Variants in PCDHA6 observed in about 807,000 individuals in gnomAD.
PCDHA6 encodes protocadherin alpha-6.
In PCDHA6, 55 loss-of-function variants were observed where a neutral mutation model predicts 60.3. The observed-to-expected ratio is 0.91, with a 90% CI of 0.73 to 1.14. The LOEUF (loss-of-function observed/expected upper bound fraction) is 1.14, where lower values mean the gene tolerates loss of function less well. Among genes scored for constraint, PCDHA6 ranks in the 50% most tolerant of loss-of-function variants. The pLI, the probability that PCDHA6 is intolerant of heterozygous loss-of-function variation, is 0.00. For synonymous variants in PCDHA6, 652 were observed against 557.9 expected, an observed-to-expected ratio of 1.17 and a Z score of -2.38; for missense variants, 1,327 against 1,256.5, an observed-to-expected ratio of 1.06 and a Z score of -0.85.
Position 140,927,865 on chromosome 5 carries a change from A to G in PCDHA6, c.2395-51084A>G, listed in dbSNP as rs576160357. 6.8e-6 allele frequency: 11 copies of G among 1,614,110 alleles called. No homozygotes were observed. In the Admixed American group the frequency reaches 1.3e-4, roughly 20 times the overall value. On this transcript the variant is annotated intron_variant, in intron 1 of 3. Transcript: ENST00000529310. Reference sequence around the variant, plus strand: ...TGTCTTTGGTTTAGCTAGCACCGCTAAACTGCTGGTGGAGGTGACTGACGT... The same window carrying G: ...TGTCTTTGGTTTAGCTAGCACCGCTGAACTGCTGGTGGAGGTGACTGACGT...
intron 1 of PCDHA6, among the ~76,000 whole-genome samples, chr5:140,926,138 T>C (rs2082936633): frequency 6.6e-6 from 1 of 152,004 alleles, no homozygotes; most frequent in African/African-American, 2.4e-5. Flanking sequence ...CGCAGCAGGA[T>C]CCAGCGCGGA....
chr5:140,889,028 C>G (rs1015343865), intron 1 of PCDHA6, among the ~76,000 whole-genome samples: 1 of 151,754 alleles, frequency 6.6e-6, no homozygotes. Flanking sequence ...CTTGGATAAC[C>G]GTAATTTGAT....
chr5:140,985,801 A>G (rs2097171670), intron 3 of PCDHA6, among the ~76,000 whole-genome samples: 1 of 135,588 alleles, frequency 7.4e-6, no homozygotes, highest in Admixed American at 8.6e-5. Flanking sequence ...GTGCAGTGGC[A>G]CGATCTCAGC....
chr5:140,849,329 T>A (rs1581180148), intron 1 of PCDHA6: 2 of 1,371,780 alleles, frequency 1.5e-6, no homozygotes, highest in East Asian at 4.8e-5. Flanking sequence ...GGGATATTAT[T>A]TACTCCTTCT....
chr5:140,940,361 A>T (rs1396183629), intron 1 of PCDHA6, among the ~76,000 whole-genome samples: 1 of 152,210 alleles, frequency 6.6e-6, no homozygotes, highest in Non-Finnish European at 1.5e-5. Flanking sequence ...TGCTATTAAA[A>T]GTATTCCTTG....
rs141467715 is a variant in PCDHA6 at position 140,882,439 on chromosome 5, G to A, written c.2394+51954G>A. 19 of 1,613,928 alleles carry A rather than the reference G, an allele frequency of 1.2e-5. No individual in the cohort carries two copies. The African/African-American group carries it at 1.5e-4, about 12-fold the overall frequency. ...CTCAGGACCTGGGGCTGGAGCTGGC[G>A]GAGCTGGTGCCGCGCCTGTTCCGGG... is the stretch of plus-strand genomic sequence containing the variant. On this transcript the variant is annotated intron_variant, in intron 1 of 3. Transcript: ENST00000529310.
chr5:140,849,902 G>T, intron 1 of PCDHA6: 2 of 1,598,532 alleles, frequency 1.3e-6, no homozygotes, highest in African/African-American at 1.3e-5. Context: ...AGAACAACCC[G>T]CCGGGCTGCC....
chr5:140,926,755 T>G, intron 1 of PCDHA6: 4 of 1,282,566 alleles, frequency 3.1e-6, no homozygotes, highest in Non-Finnish European at 4.0e-6. Context: ...CGGCGGTCGC[T>G]GAGTATCCAG....
At chr5:140,927,419 G>A (rs781883331) in intron 1 of PCDHA6, 1 of 1,614,140 alleles carries the variant, frequency 6.2e-7, no homozygotes, top group South Asian at 1.1e-5. Flanking sequence ...ATGGGATCGC[G>A]GGTTGACGGC....
chr5:140,932,703 G>A (rs1218359293), intron 1 of PCDHA6, among the ~76,000 whole-genome samples: 2 of 151,660 alleles, frequency 1.3e-5, no homozygotes, highest in Non-Finnish European at 3.0e-5. Flanking sequence ...AACTCATATA[G>A]ACAACACAAT....
At chr5:140,831,687 G>C (rs2150196814) in intron 1 of PCDHA6, among the ~76,000 whole-genome samples, 2 of 152,012 alleles carry the variant, frequency 1.3e-5, no homozygotes, top group African/African-American at 4.8e-5. Context: ...TGAATGAAAA[G>C]CAGCAAAAAG....
rs782044159 is a variant in PCDHA6 at position 140,883,367 on chromosome 5, G to T, written c.2394+52882G>T. On this transcript the variant is annotated intron_variant, in intron 1 of 3. Transcript: ENST00000529310. Reference sequence around the variant, plus strand: ...CATCAGAGAAGACACTCAGCCTAGCGCCATTATTGCCCTAATCAGTGTGTC... The same window carrying T: ...CATCAGAGAAGACACTCAGCCTAGCTCCATTATTGCCCTAATCAGTGTGTC... The T allele has an allele frequency of 5.6e-6, 9 of 1,614,006 alleles. No homozygotes were observed. Among genetic ancestry groups the T allele is most frequent in the Non-Finnish European group, 7.6e-6 (9 of 1,180,038 alleles).
chr5:140,884,803 C>T, intron 1 of PCDHA6: 1 of 1,225,142 alleles, frequency 8.2e-7, no homozygotes, highest in Non-Finnish European at 1.1e-6. Context: ...AATTTAACAA[C>T]TCTGCTGTGG....
At position 140,876,190 on chromosome 5, in the gene PCDHA6, C is replaced by T. The variant is rs782463342; in HGVS notation, c.2394+45705C>T. Reference sequence around the variant, plus strand: ...CGTCCTGGATGTGAATGACAATGGTCCGGCGTTTGATAAGCCCAGCTATAA... The same window carrying T: ...CGTCCTGGATGTGAATGACAATGGTTCGGCGTTTGATAAGCCCAGCTATAA... On this transcript the variant is annotated intron_variant, in intron 1 of 3. Coordinates refer to ENST00000529310, the MANE Select transcript of PCDHA6 (RefSeq NM_018909.4). 3.7e-6 allele frequency: 6 copies of T among 1,613,936 alleles called. No individual in the cohort carries two copies. The Admixed American group carries it at 5.0e-5, about 13-fold the overall frequency.
rs148357054 is a variant in PCDHA6, at chr5:140,862,194, A to G, written c.2394+31709A>G. On this transcript the variant is annotated intron_variant, in intron 1 of 3. Coordinates refer to ENST00000529310, the MANE Select transcript of PCDHA6 (RefSeq NM_018909.4). ...GGCAGTTGACACAGGCAATTCCCCA[A>G]TGTTTGATCACTGCACAGACTTGAT... The G allele has an allele frequency of 5.4e-3, 909 of 167,816 alleles. 8 individuals are homozygous for G. The highest frequency in any genetic ancestry group is 8.4e-3 in the South Asian group (55 of 6,516). The allele number at this position is 167,816 out of a possible 1,614,324, so 10.4% of individuals were successfully genotyped here.
intron 1 of PCDHA6, among the ~76,000 whole-genome samples, chr5:140,972,725 G>A (rs985697414): frequency 2.7e-5 from 4 of 146,408 alleles, no homozygotes; most frequent in African/African-American, 7.7e-5. Context: ...GTGCAGTGGC[G>A]TAATCCCGGC....
chr5:140,884,209 T>G (rs1159344104), intron 1 of PCDHA6: 6 of 1,613,276 alleles, frequency 3.7e-6, no homozygotes, highest in Non-Finnish European at 3.4e-6. Context: ...ACCACCGCCT[T>G]CTGGTGCTGG....
intron 3 of PCDHA6, among the ~76,000 whole-genome samples, chr5:141,000,365 C>G (rs1413548696): frequency 7.8e-5 from 1 of 12,832 alleles, no homozygotes; most frequent in Non-Finnish European, 1.3e-4. Flanking sequence ...CTCTCTGTCT[C>G]TCTCTCTCTC....
At chr5:140,882,535 G>A (rs2059175245) in intron 1 of PCDHA6, 4 of 1,614,232 alleles carry the variant, frequency 2.5e-6, no homozygotes, top group East Asian at 2.2e-5. Flanking sequence ...TGAATTCTCG[G>A]ATCGACCGCG....
Sources: gnomAD v4.1 joint callset for allele counts (sites outside exome capture counted in the v4.1 genomes callset) on GRCh38, gnomAD v4.1.1 for gene constraint, MANE v1.5 for transcripts, NCBI Gene and HGNC (gene_info 2026-07-23, HGNC 2026-07-21) for gene names.